Variants in PPP2R2B observed in about 807,000 individuals in gnomAD.
The protein encoded by PPP2R2B is serine/threonine-protein phosphatase 2A 55 kDa regulatory subunit B beta isoform.
Under a neutral mutation model 46.0 loss-of-function variants are expected in PPP2R2B, and 5 were observed. The observed-to-expected ratio is 0.11, with a 90% CI of 0.06 to 0.23. PPP2R2B has a LOEUF of 0.23. Ranked by LOEUF, PPP2R2B falls within the 10% of genes least tolerant of loss-of-function variation. The pLI, the probability that PPP2R2B is intolerant of heterozygous loss-of-function variation, is 1.00. For synonymous variants in PPP2R2B, 215 were observed against 206.7 expected (o/e 1.04, Z -0.34); for missense variants, 367 against 575.0 (o/e 0.64, Z 3.70).
intron 1 of PPP2R2B, among the ~76,000 whole-genome samples, chr5:146,973,871 A>G (rs1752774540): frequency 6.6e-6 from 1 of 152,218 alleles, no homozygotes; most frequent in Non-Finnish European, 1.5e-5. Flanking sequence ...CAATGCATAT[A>G]GATAATAGGC....
intron 1 of PPP2R2B, among the ~76,000 whole-genome samples, chr5:146,920,737 G>A (rs1453430455): frequency 6.6e-6 from 1 of 152,138 alleles, no homozygotes; most frequent in Non-Finnish European, 1.5e-5. Flanking sequence ...CACTGCTCCA[G>A]CACACTGTTG....
intron 2 of PPP2R2B, among the ~76,000 whole-genome samples, chr5:146,843,239 T>C (rs764599356): frequency 6.6e-6 from 1 of 152,194 alleles, no homozygotes; most frequent in Non-Finnish European, 1.5e-5. Flanking sequence ...AATGATCAAT[T>C]TGGGTCTTGA....
At chr5:146,905,942 C>T (rs1561509082) in intron 1 of PPP2R2B, among the ~76,000 whole-genome samples, 1 of 151,518 alleles carries the variant, frequency 6.6e-6, no homozygotes. Context: ...CATGTAGCTA[C>T]TGAAATTTTA....
In PPP2R2B at chr5:147,077,769, A is replaced by C. The variant is rs571882746; in HGVS notation, c.50+3290T>G. Among the ~76,000 whole-genome samples the C allele has an allele frequency of 2.6e-4, 40 of 152,292 alleles. 1 individual carries two copies. The South Asian group carries it at 7.9e-3, about 30-fold the overall frequency. On this transcript the variant is annotated intron_variant, in intron 2 of 10. Coordinates refer to the PPP2R2B transcript ENST00000394413. ...TTTCTGCCTGTATTCACTATTTTAAAGTGCACTTTCCAAACAAAATAGGGA... is the reference window on the plus strand; with the variant it reads ...TTTCTGCCTGTATTCACTATTTTAACGTGCACTTTCCAAACAAAATAGGGA...
intron 2 of PPP2R2B, among the ~76,000 whole-genome samples, chr5:146,766,878 A>G (rs1373192205): frequency 6.6e-6 from 1 of 151,616 alleles, no homozygotes; most frequent in Non-Finnish European, 1.5e-5. Context: ...ATATGGTGAA[A>G]CCCCGTCTCT....
intron 4 of PPP2R2B, among the ~76,000 whole-genome samples, chr5:146,694,125 A>C (rs1224787623): frequency 2.0e-5 from 3 of 152,088 alleles, no homozygotes; most frequent in Admixed American, 6.5e-5. Context: ...GTCTTAATGA[A>C]CCACATTGTG....
At chr5:147,061,238 G>A (rs1757248780) in intron 2 of PPP2R2B, among the ~76,000 whole-genome samples, 1 of 152,120 alleles carries the variant, frequency 6.6e-6, no homozygotes, top group African/African-American at 2.4e-5. Flanking sequence ...CATGAACAAG[G>A]TTATTTTAGG....
chr5:147,078,234 T>C (rs530193349), intron 2 of PPP2R2B, among the ~76,000 whole-genome samples: 1 of 152,322 alleles, frequency 6.6e-6, no homozygotes, highest in South Asian at 2.1e-4. Flanking sequence ...ATCGAGTACT[T>C]ACAAAGTATT....
At chr5:146,800,573 T>C (rs911701216) in intron 2 of PPP2R2B, among the ~76,000 whole-genome samples, 2 of 151,248 alleles carry the variant, frequency 1.3e-5, no homozygotes, top group Non-Finnish European at 2.9e-5. Context: ...TGATGGTATT[T>C]TTTTCTGGTC....
At chr5:146,758,843 A>T (rs536608105) in intron 2 of PPP2R2B, among the ~76,000 whole-genome samples, 1 of 152,170 alleles carries the variant, frequency 6.6e-6, no homozygotes, top group Non-Finnish European at 1.5e-5. Context: ...TCACAGCTAC[A>T]TTTATGATAG....
chr5:146,671,151 A>C (rs919987264), intron 5 of PPP2R2B, among the ~76,000 whole-genome samples: 5 of 152,218 alleles, frequency 3.3e-5, no homozygotes, highest in Non-Finnish European at 5.9e-5. Flanking sequence ...TATTACTTAC[A>C]GTTGTGTCTT....
rs181008672 is a variant in PPP2R2B, at chr5:146,583,523, G to A, written c.*6424C>T. The A allele has an allele frequency of 1.3e-5, 2 of 152,214 alleles. No homozygotes were observed. The highest frequency in any genetic ancestry group is 4.8e-5 in the African/African-American group (2 of 41,530). The allele number at this position is 152,214 out of a possible 1,614,324, so 9.4% of individuals were successfully genotyped here. ...CTCAGATTTTAACCCAGGCAGGCAG[G>A]CTGGCAGGCTCGGTATCCTGGGCTC... On this transcript the variant is annotated 3_prime_UTR_variant, in exon 10 of 10. Coordinates refer to ENST00000394411, the MANE Select transcript of PPP2R2B (RefSeq NM_181675.4).
intron 2 of PPP2R2B, among the ~76,000 whole-genome samples, chr5:146,801,909 G>T (rs945059223): frequency 2.0e-5 from 3 of 152,160 alleles, no homozygotes; most frequent in African/African-American, 4.8e-5. Context: ...GCTCCAAGTG[G>T]CCCCACTTAA....
chr5:146,825,814 T>C (rs964427559), intron 2 of PPP2R2B, among the ~76,000 whole-genome samples: 1 of 152,244 alleles, frequency 6.6e-6, no homozygotes, highest in African/African-American at 2.4e-5. Flanking sequence ...TGCTATGACA[T>C]GCTATGAAAG....
intron 2 of PPP2R2B, among the ~76,000 whole-genome samples, chr5:146,864,578 C>T (rs917148847): frequency 6.6e-6 from 1 of 152,048 alleles, no homozygotes; most frequent in East Asian, 1.9e-4. Flanking sequence ...TCCATATACT[C>T]ATCTACAAAT....
chr5:147,009,492 C>A (rs1368757724), intron 1 of PPP2R2B, among the ~76,000 whole-genome samples: 1 of 152,040 alleles, frequency 6.6e-6, no homozygotes, highest in Non-Finnish European at 1.5e-5. Context: ...TAATCTAGAA[C>A]TTGACATGTT....
At chr5:146,936,865 T>A (rs1432895) in intron 1 of PPP2R2B, among the ~76,000 whole-genome samples, 5,002 of 132,738 alleles carry the variant, frequency 0.038, 262 homozygotes, top group African/African-American at 0.15. Flanking sequence ...TGAGCCAGGG[T>A]TTTTTTTTTT....
At chr5:146,992,677 T>C (rs1753745826) in intron 1 of PPP2R2B, among the ~76,000 whole-genome samples, 1 of 152,216 alleles carries the variant, frequency 6.6e-6, no homozygotes, top group African/African-American at 2.4e-5. Flanking sequence ...GGCAGGGGGC[T>C]CTCATTACAA....
intron 1 of PPP2R2B, among the ~76,000 whole-genome samples, chr5:146,976,102 A>T (rs902649688): frequency 2.2e-4 from 29 of 133,832 alleles, no homozygotes; most frequent in African/African-American, 6.4e-4. Flanking sequence ...TTCATTTTTT[A>T]AAAAATTTAT....
Sources: gnomAD v4.1 joint callset for allele counts (sites outside exome capture counted in the v4.1 genomes callset) on GRCh38, gnomAD v4.1.1 for gene constraint, MANE v1.5 for transcripts, NCBI Gene and HGNC (gene_info 2026-07-23, HGNC 2026-07-21) for gene names.